Variants in MBNL1 observed in about 807,000 individuals in gnomAD.
The protein encoded by MBNL1 is muscleblind like splicing regulator 1.
MBNL1 carries 8 observed loss-of-function variants against 42.2 expected under a neutral mutation model. The ratio of observed to expected loss-of-function variants is 0.19; its 90% CI spans 0.11 to 0.34. The LOEUF (loss-of-function observed/expected upper bound fraction) is 0.34. Among genes scored for constraint, MBNL1 ranks in the 10% least tolerant of loss-of-function variants. MBNL1 has a pLI of 1.00. For synonymous variants in MBNL1, 169 were observed against 173.9 expected (o/e 0.97, Z 0.22); for missense variants, 309 against 495.3 (o/e 0.62, Z 3.57).
At chr3:152,296,616 G>A (rs537702754) in intron 1 of MBNL1, among the ~76,000 whole-genome samples, 2 of 152,260 alleles carry the variant, frequency 1.3e-5, no homozygotes, top group African/African-American at 4.8e-5. Context: ...GCTAGATTGT[G>A]AGGCAGTGAA....
intron 4 of MBNL1, among the ~76,000 whole-genome samples, chr3:152,440,527 T>C (rs1473409206): frequency 1.3e-5 from 2 of 152,172 alleles, no homozygotes; most frequent in African/African-American, 4.8e-5. Context: ...AGGAAAGATA[T>C]GCCCCCATGA....
intron 2 of MBNL1, among the ~76,000 whole-genome samples, chr3:152,375,767 C>T (rs773735594): frequency 6.6e-6 from 1 of 151,276 alleles, no homozygotes; most frequent in Non-Finnish European, 1.5e-5. Flanking sequence ...TGCAGTGAGT[C>T]GTGATTGCTC....
At chr3:152,392,085 A>T (rs2097745940) in intron 2 of MBNL1, among the ~76,000 whole-genome samples, 1 of 152,088 alleles carries the variant, frequency 6.6e-6, no homozygotes, top group Non-Finnish European at 1.5e-5. Flanking sequence ...TGTGCAAAAA[A>T]AAAAAGTATG....
At chr3:152,298,021 G>C (rs1186209122) in intron 1 of MBNL1, among the ~76,000 whole-genome samples, 1 of 152,078 alleles carries the variant, frequency 6.6e-6, no homozygotes, top group Non-Finnish European at 1.5e-5. Flanking sequence ...TTGGAAAGTA[G>C]TTTTTTAAAC....
chr3:152,247,732 A>G (rs984009122), intron 2 of MBNL1, among the ~76,000 whole-genome samples: 5 of 151,750 alleles, frequency 3.3e-5, no homozygotes, highest in African/African-American at 1.2e-4. Flanking sequence ...TTCCAGTTTT[A>G]TTTTTATCTT....
At chr3:152,393,999 A>G (rs768714240) in intron 2 of MBNL1, among the ~76,000 whole-genome samples, 3 of 152,192 alleles carry the variant, frequency 2.0e-5, no homozygotes, top group Non-Finnish European at 4.4e-5. Context: ...AGAGTAACCA[A>G]TTTAGTTATA....
intron 2 of MBNL1, among the ~76,000 whole-genome samples, chr3:152,371,392 G>A (rs1399504204): frequency 6.6e-6 from 1 of 152,220 alleles, no homozygotes; most frequent in African/African-American, 2.4e-5. Context: ...GAGGTCAGGA[G>A]TTCAAGACCA....
chr3:152,427,485 C>T (rs1185938944), intron 3 of MBNL1, among the ~76,000 whole-genome samples: 1 of 152,100 alleles, frequency 6.6e-6, no homozygotes, highest in Non-Finnish European at 1.5e-5. Flanking sequence ...CACTCCTGGG[C>T]TCAAGTGATT....
chr3:152,351,775 G>C (rs1245488139), intron 2 of MBNL1, among the ~76,000 whole-genome samples: 1 of 152,136 alleles, frequency 6.6e-6, no homozygotes, highest in African/African-American at 2.4e-5. Context: ...CTTTGCTGAA[G>C]TGACTTTTAA....
intron 2 of MBNL1, among the ~76,000 whole-genome samples, chr3:152,382,575 A>G (rs976252447): frequency 1.3e-5 from 2 of 152,140 alleles, no homozygotes; most frequent in African/African-American, 4.8e-5. Flanking sequence ...TTATGATAGC[A>G]CTTATTTCCA....
chr3:152,427,625 T>C (rs1421791154), intron 3 of MBNL1, among the ~76,000 whole-genome samples: 1 of 152,114 alleles, frequency 6.6e-6, no homozygotes, highest in Non-Finnish European at 1.5e-5. Flanking sequence ...TGGCACTGTT[T>C]ATATTCAAAA....
chr3:152,406,221 G>A (rs751181611), intron 2 of MBNL1, among the ~76,000 whole-genome samples: 8 of 152,080 alleles, frequency 5.3e-5, no homozygotes, highest in Non-Finnish European at 1.0e-4. Context: ...CAGCAGTGGT[G>A]ATACACTTTT....
intron 2 of MBNL1, among the ~76,000 whole-genome samples, chr3:152,326,778 A>ATTTATTTATTTAT (rs1553828480): frequency 4.9e-5 from 7 of 141,964 alleles, no homozygotes; most frequent in Non-Finnish European, 1.1e-4. Context: ...CCTTGGGAAA[A>ATTTATTTATTTAT]TTATTTATTT....
chr3:152,434,389 C>A (rs1306360161), intron 4 of MBNL1, among the ~76,000 whole-genome samples: 1 of 152,184 alleles, frequency 6.6e-6, no homozygotes, highest in Non-Finnish European at 1.5e-5. Context: ...TGATCTCATT[C>A]TTTTTTATGT....
chr3:152,272,730 T>C (rs1315469330), intron 1 of MBNL1, among the ~76,000 whole-genome samples: 1 of 152,224 alleles, frequency 6.6e-6, no homozygotes, highest in African/African-American at 2.4e-5. Flanking sequence ...TTATGGGCTC[T>C]GAAGAATTTC....
chr3:152,301,213 A>G (rs1156961313), intron 2 of MBNL1, among the ~76,000 whole-genome samples: 3 of 152,212 alleles, frequency 2.0e-5, no homozygotes, highest in African/African-American at 7.2e-5. Context: ...TTCAGGTATC[A>G]TATTTGAAAA....
At chr3:152,433,517 G>C (rs976037259) in intron 4 of MBNL1, among the ~76,000 whole-genome samples, 6 of 152,056 alleles carry the variant, frequency 3.9e-5, no homozygotes, top group Non-Finnish European at 7.4e-5. Flanking sequence ...TTGGGAGGCC[G>C]AGGCGGGCGG....
In MBNL1 at chr3:152,353,882, A is replaced by C. The variant is rs149865467; in HGVS notation, c.174+53515A>C. Reference sequence around the variant, plus strand: ...GTGAAATATTAGAAAAGATGAGAGAAAATCAGTATGAGCATAAATTTTATC... The same window carrying C: ...GTGAAATATTAGAAAAGATGAGAGACAATCAGTATGAGCATAAATTTTATC... On this transcript the variant is annotated intron_variant, in intron 2 of 9. Coordinates refer to ENST00000324210, the MANE Select transcript of MBNL1 (RefSeq NM_021038.5). 3.5e-4 allele frequency among the ~76,000 whole-genome samples: 54 copies of C among 152,256 alleles called. 1 individual carries two copies. The East Asian group carries it at 0.01, about 29-fold the overall frequency.
At chr3:152,441,112 G>C (rs561521193) in intron 4 of MBNL1, among the ~76,000 whole-genome samples, 2 of 152,172 alleles carry the variant, frequency 1.3e-5, no homozygotes, top group South Asian at 4.2e-4. Context: ...TACAAATATG[G>C]TGAACACAAA....
Sources: gnomAD v4.1 joint callset for allele counts (sites outside exome capture counted in the v4.1 genomes callset) on GRCh38, gnomAD v4.1.1 for gene constraint, MANE v1.5 for transcripts, NCBI Gene and HGNC (gene_info 2026-07-23, HGNC 2026-07-21) for gene names.